The following EYS variants were observed in gnomAD, a reference collection of about 807,000 sequenced individuals.
EYS encodes protein eyes shut homolog.
EYS carries 250 observed loss-of-function variants against 282.1 expected under a neutral mutation model. The observed-to-expected ratio is 0.89, with a 90% CI of 0.80 to 0.98. The LOEUF is 0.98. EYS is among the 50% of genes least tolerant of loss of function. The pLI, the probability that EYS is intolerant of heterozygous loss-of-function variation, is 0.00. For synonymous variants in EYS, 1,355 were observed against 1,282.9 expected (o/e 1.06, Z -1.20); for missense variants, 4,016 against 3,709.0 (o/e 1.08, Z -2.15).
chr6:64,724,568 A>G (rs1771689924), intron 22 of EYS, among the ~76,000 whole-genome samples: 1 of 152,232 alleles, frequency 6.6e-6, no homozygotes, highest in Admixed American at 6.5e-5. Flanking sequence ...TATAAAGAAT[A>G]GTTTACATCT....
chr6:65,096,079 A>G (rs1483653855), intron 12 of EYS, among the ~76,000 whole-genome samples: 1 of 151,134 alleles, frequency 6.6e-6, no homozygotes, highest in Non-Finnish European at 1.5e-5. Flanking sequence ...GTGAGAAATG[A>G]TAAACAAATT....
chr6:63,748,171 A>G (rs918909929), intron 41 of EYS, among the ~76,000 whole-genome samples: 1 of 151,916 alleles, frequency 6.6e-6, no homozygotes, highest in African/African-American at 2.4e-5. Context: ...TCAGCATGAT[A>G]CTGGACAAAA....
chr6:64,999,528 G>A (rs927349201), intron 13 of EYS, among the ~76,000 whole-genome samples: 15 of 152,162 alleles, frequency 9.9e-5, no homozygotes, highest in Admixed American at 5.9e-4. Context: ...ATGGATCTAC[G>A]TGAGGACGGC....
chr6:64,793,454 A>T (rs1393220671), intron 22 of EYS, among the ~76,000 whole-genome samples: 1 of 152,124 alleles, frequency 6.6e-6, no homozygotes, highest in Non-Finnish European at 1.5e-5. Flanking sequence ...GAATGTAAAA[A>T]CATTGAGTTC....
At chr6:65,326,169 A>T (rs1297022263) in intron 11 of EYS, among the ~76,000 whole-genome samples, 52 of 151,988 alleles carry the variant, frequency 3.4e-4, no homozygotes, top group Admixed American at 3.4e-3. Context: ...TTTATAAATT[A>T]TACATTTTTA....
intron 1 of EYS, among the ~76,000 whole-genome samples, chr6:65,678,540 T>A (rs543025584): frequency 1.2e-4 from 19 of 152,020 alleles, no homozygotes; most frequent in African/African-American, 3.6e-4. Context: ...ATAATGTTGG[T>A]GCAGGTCACG....
At chr6:65,083,594 A>G (rs1581894027) in intron 12 of EYS, among the ~76,000 whole-genome samples, 1 of 151,996 alleles carries the variant, frequency 6.6e-6, no homozygotes, top group East Asian at 1.9e-4. Flanking sequence ...TTTTGTTTTG[A>G]TAACTGTTAC....
chr6:64,962,379 C>A (rs751116409), intron 14 of EYS, among the ~76,000 whole-genome samples: 3 of 151,836 alleles, frequency 2.0e-5, no homozygotes, highest in African/African-American at 4.8e-5. Flanking sequence ...CTCTCTTTAT[C>A]TAATTGTATT....
At chr6:65,173,140 G>C (rs373684400) in intron 12 of EYS, among the ~76,000 whole-genome samples, 2 of 151,368 alleles carry the variant, frequency 1.3e-5, no homozygotes, top group East Asian at 3.9e-4. Flanking sequence ...CCTAAGAGTT[G>C]CAATGGATAA....
chr6:64,194,448 T>C (rs1765217997), intron 31 of EYS, among the ~76,000 whole-genome samples: 1 of 152,228 alleles, frequency 6.6e-6, no homozygotes, highest in African/African-American at 2.4e-5. Context: ...TAAGTTTTTG[T>C]GTAAACATCT....
chr6:65,343,734 T>A (rs140387030), intron 10 of EYS, among the ~76,000 whole-genome samples: 1 of 151,510 alleles, frequency 6.6e-6, no homozygotes, highest in African/African-American at 2.4e-5. Flanking sequence ...AAAAGTGGCA[T>A]AATCACAACT....
intron 22 of EYS, among the ~76,000 whole-genome samples, chr6:64,716,836 A>G (rs1006884846): frequency 1.3e-5 from 2 of 152,168 alleles, no homozygotes; most frequent in African/African-American, 4.8e-5. Flanking sequence ...CAACTGGGGA[A>G]GCAGTTTTGA....
chr6:64,129,105 T>A (rs924224106), intron 31 of EYS, among the ~76,000 whole-genome samples: 2 of 152,232 alleles, frequency 1.3e-5, no homozygotes, highest in African/African-American at 4.8e-5. Context: ...TGTTTTGCAC[T>A]ACACAGCACA....
chr6:64,828,775 G>A lies in EYS; in HGVS notation c.2993-5953C>T, dbSNP rs569233390. Reference sequence around the variant, plus strand: ...CACTCCTAAGTTATGTACTTCTTTCGCAACAGAAGCTCATCCTAAGTTCAT... The same window carrying A: ...CACTCCTAAGTTATGTACTTCTTTCACAACAGAAGCTCATCCTAAGTTCAT... On this transcript the variant is annotated intron_variant, in intron 19 of 42. Transcript: ENST00000503581. Among the ~76,000 whole-genome samples the A allele has an allele frequency of 1.3e-4, 20 of 152,034 alleles. No homozygotes were observed. The East Asian group carries it at 1.8e-3, about 13-fold the overall frequency.
intron 22 of EYS, among the ~76,000 whole-genome samples, chr6:64,686,653 A>G (rs1770115730): frequency 6.7e-6 from 1 of 148,278 alleles, no homozygotes; most frequent in African/African-American, 2.5e-5. Flanking sequence ...AGGCAGGAGA[A>G]TGACATGAAT....
chr6:65,473,327 G>T (rs1765284538), intron 5 of EYS, among the ~76,000 whole-genome samples: 1 of 151,824 alleles, frequency 6.6e-6, no homozygotes. Context: ...TGAACAAAAG[G>T]CAAACAAACC....
chr6:64,537,813 A>G (rs1030040423), intron 26 of EYS, among the ~76,000 whole-genome samples: 5 of 152,156 alleles, frequency 3.3e-5, no homozygotes, highest in Admixed American at 3.3e-4. Flanking sequence ...TTGACTTTCC[A>G]TTGCAACCAC....
chr6:64,159,559 T>TAA lies in EYS; in HGVS notation c.6424+71031_6424+71032dup, dbSNP rs35139594. Among the ~76,000 whole-genome samples, 239 of 59,932 alleles carry TAA rather than the reference T, an allele frequency of 4.0e-3. 3 individuals are homozygous for TAA. The highest frequency in any genetic ancestry group is 4.5e-3 in the African/African-American group (73 of 16,374). 39.3% of individuals were successfully genotyped at this position (59,932 alleles called of 152,430 possible). On this transcript the variant is annotated intron_variant, in intron 31 of 42. Transcript: ENST00000503581. The stretch of plus-strand genomic sequence containing the variant: ...TGGGCGACAGAGCGAGACTCTGTCT[T>TAA]AAAAAAAAAAAAAAAAAAAAAAAAA...
chr6:63,844,733 A>C (rs574754660), intron 36 of EYS, among the ~76,000 whole-genome samples: 1 of 150,708 alleles, frequency 6.6e-6, no homozygotes, highest in Non-Finnish European at 1.5e-5. Context: ...AAATTTGTTT[A>C]AGTTCCTTAT....
Sources: allele counts gnomAD v4.1 joint callset (sites outside exome capture counted in the v4.1 genomes callset), GRCh38; gene constraint gnomAD v4.1.1; transcripts MANE v1.5; gene names NCBI Gene and HGNC (gene_info 2026-07-23, HGNC 2026-07-21).